OR1J2: variants seen among roughly 807,000 people sequenced by gnomAD.
The protein encoded by OR1J2 is olfactory receptor family 1 subfamily J member 2, also known as olfactory receptor 1J2.
For synonymous variants in OR1J2, 142 were observed against 99.7 expected (o/e 1.42, Z -2.52); for missense variants, 304 against 246.1 (o/e 1.24, Z -1.57).
the OR1J2 span, chr9:122,519,368 C>G: frequency 1.9e-6 from 3 of 1,614,168 alleles, no homozygotes; most frequent in East Asian, 6.7e-5. Flanking sequence ...TTTCATCTGT[C>G]ACTGTCCCAA....
chr9:122,471,671 C>T, the OR1J2 span, among the ~76,000 whole-genome samples: 2 of 152,308 alleles, frequency 1.3e-5, no homozygotes, highest in East Asian at 3.9e-4. Flanking sequence ...ACTGTGGAAT[C>T]TAGAGAAAAT....
At chr9:122,486,477 A>G in the OR1J2 span, among the ~76,000 whole-genome samples, 1 of 152,256 alleles carries the variant, frequency 6.6e-6, no homozygotes, top group East Asian at 1.9e-4. Context: ...CAAGAATTTC[A>G]TGAAGTAAAT....
At position 122,511,360 on chromosome 9, in the gene OR1J2, C is replaced by T. The variant is rs1174927779; in HGVS notation, c.559C>T (p.Leu187=). The part of the protein sequence containing the change: ...VFCDLAALLK[L]SCSDIFLNEL... Reference sequence around the variant, plus strand: ...CTGTGACCTTGCTGCCCTGCTCAAGCTGTCCTGCTCAGATATCTTCCTCAA... The same window carrying T: ...CTGTGACCTTGCTGCCCTGCTCAAGTTGTCCTGCTCAGATATCTTCCTCAA... The change falls in exon 1 of 1, where the codon CTG becomes TTG. Residue 187 remains leucine (L), a synonymous_variant. Coordinates refer to ENST00000335302, the MANE Select transcript of OR1J2 (RefSeq NM_054107.1). 2 of 733,518 alleles carry T rather than the reference C, an allele frequency of 2.7e-6. No homozygotes were observed. The highest frequency in any genetic ancestry group is 3.7e-5 in the Admixed American group (2 of 53,706). 45.4% of individuals were successfully genotyped at this position (733,518 alleles called of 1,614,324 possible).
At chr9:122,559,323 T>C in the OR1J2 span, among the ~76,000 whole-genome samples, 3 of 152,176 alleles carry the variant, frequency 2.0e-5, no homozygotes, top group South Asian at 4.1e-4. Flanking sequence ...TTTATTTTAC[T>C]TTAAGTTCTA....
At chr9:122,550,678 A>T in the OR1J2 span, among the ~76,000 whole-genome samples, 1 of 152,130 alleles carries the variant, frequency 6.6e-6, no homozygotes, top group Non-Finnish European at 1.5e-5. Context: ...ATATAGAAAA[A>T]GCAACTGATA....
At chr9:122,525,348 T>C in the OR1J2 span, among the ~76,000 whole-genome samples, 1 of 152,162 alleles carries the variant, frequency 6.6e-6, no homozygotes, top group Non-Finnish European at 1.5e-5. Context: ...TAAAACATTT[T>C]AGAATAGGTT....
chr9:122,469,071 A>T, the OR1J2 span, among the ~76,000 whole-genome samples: 1 of 152,290 alleles, frequency 6.6e-6, no homozygotes, highest in South Asian at 2.1e-4. Context: ...TTCCTTTGAG[A>T]TTGTGAAAGC....
At chr9:122,553,508 G>C in the OR1J2 span, 1 of 1,614,056 alleles carries the variant, frequency 6.2e-7, no homozygotes, top group Non-Finnish European at 8.5e-7. Context: ...CGTATTCTGG[G>C]TGTCTTGCAC....
chr9:122,488,812 A>T, the OR1J2 span, among the ~76,000 whole-genome samples: 1 of 152,308 alleles, frequency 6.6e-6, no homozygotes, highest in African/African-American at 2.4e-5. Flanking sequence ...TGATGTGGCA[A>T]GAATTTTGTG....
chr9:122,519,478 T>G, the OR1J2 span: 1 of 1,614,162 alleles, frequency 6.2e-7, no homozygotes, highest in South Asian at 1.1e-5. Flanking sequence ...CTAGACAATT[T>G]CCTTCTCACT....
At chr9:122,547,355 GTTTTA>G in the OR1J2 span, among the ~76,000 whole-genome samples, 5 of 152,084 alleles carry the variant, frequency 3.3e-5, no homozygotes, top group Admixed American at 2.0e-4. Context: ...CAATTTGATT[GTTTTA>G]TTTTATTTGT....
At chr9:122,467,259 A>G in the OR1J2 span, among the ~76,000 whole-genome samples, 1 of 152,220 alleles carries the variant, frequency 6.6e-6, no homozygotes, top group Non-Finnish European at 1.5e-5. Context: ...GCCACTGACT[A>G]CTTTTGTTTC....
upstream of OR1J2, among the ~76,000 whole-genome samples, chr9:122,509,437 C>T (rs551361997): frequency 8.5e-5 from 13 of 152,322 alleles, no homozygotes; most frequent in African/African-American, 3.1e-4. Context: ...AGAAAATGCA[C>T]ACTTTGAATA....
At chr9:122,532,490 A>G in the OR1J2 span, among the ~76,000 whole-genome samples, 44,255 of 146,416 alleles carry the variant, frequency 0.3, 6,852 homozygotes, top group East Asian at 0.49. Flanking sequence ...TGAGGGTCAG[A>G]TGTGGTATCA....
At chr9:122,499,331 G>C in the OR1J2 span, among the ~76,000 whole-genome samples, 1 of 152,244 alleles carries the variant, frequency 6.6e-6, no homozygotes, top group African/African-American at 2.4e-5. Flanking sequence ...ATCCAGGAGA[G>C]TAAGGGCTCA....
chr9:122,459,179 T>C, the OR1J2 span, among the ~76,000 whole-genome samples: 1 of 152,220 alleles, frequency 6.6e-6, no homozygotes, highest in East Asian at 1.9e-4. Flanking sequence ...AAATTTTCTT[T>C]ATCCATTTGT....
the OR1J2 span, chr9:122,568,099 C>T: frequency 2.8e-4 from 445 of 1,613,908 alleles, 1 homozygote; most frequent in Admixed American, 1.7e-3. Flanking sequence ...GGGTCACAGA[C>T]GGCCACATAG....
downstream of OR1J2, among the ~76,000 whole-genome samples, chr9:122,515,123 A>T (rs1441918920): frequency 6.6e-6 from 1 of 152,102 alleles, no homozygotes; most frequent in Non-Finnish European, 1.5e-5. Context: ...CCTGGTGGGT[A>T]GAATAGACTT....
the OR1J2 span, among the ~76,000 whole-genome samples, chr9:122,560,722 G>A: frequency 6.6e-6 from 1 of 152,138 alleles, no homozygotes; most frequent in Non-Finnish European, 1.5e-5. Flanking sequence ...GTTTCCCTTT[G>A]TAGGTGACCA....
Sources: gnomAD v4.1 joint callset for allele counts (sites outside exome capture counted in the v4.1 genomes callset) on GRCh38, gnomAD v4.1.1 for gene constraint, MANE v1.5 for transcripts, NCBI Gene and HGNC (gene_info 2026-07-23, HGNC 2026-07-21) for gene names.